The following ZNF69 variants were observed in gnomAD, a reference collection of about 807,000 sequenced individuals.
ZNF69 encodes ZNF3.
Under a neutral mutation model 50.9 loss-of-function variants are expected in ZNF69, and 47 were observed. That is an observed-to-expected ratio of 0.92 (90% CI 0.73 to 1.18). The LOEUF (loss-of-function observed/expected upper bound fraction) is 1.18. Ranked by LOEUF, ZNF69 falls within the 50% of genes most tolerant of loss-of-function variation. The probability of loss-of-function intolerance (pLI) is 0.00; values close to 1 mark genes in which losing one functional copy is unlikely to be tolerated. For synonymous variants in ZNF69, 216 were observed against 223.1 expected, an observed-to-expected ratio of 0.97 and a Z score of 0.29; for missense variants, 717 against 675.1, an observed-to-expected ratio of 1.06 and a Z score of -0.69.
At chr19:11,951,132 A>G in the ZNF69 span, among the ~76,000 whole-genome samples, 1 of 143,556 alleles carries the variant, frequency 7.0e-6, no homozygotes, top group Non-Finnish European at 1.5e-5. Context: ...GCCTGGCAAC[A>G]GAGCAAGACT....
At chr19:11,913,095 G>C (rs10414934) in intron 4 of ZNF69, among the ~76,000 whole-genome samples, 1 of 151,860 alleles carries the variant, frequency 6.6e-6, no homozygotes, top group South Asian at 2.1e-4. Flanking sequence ...TACTCGGCAG[G>C]CTGAGGCAGG....
At chr19:11,947,416 A>C in the ZNF69 span, 1 of 1,602,378 alleles carries the variant, frequency 6.2e-7, no homozygotes, top group African/African-American at 1.3e-5. Flanking sequence ...TTGATGAATA[A>C]ATGAGGCATG....
At chr19:11,927,847 G>A in the ZNF69 span, among the ~76,000 whole-genome samples, 1 of 152,192 alleles carries the variant, frequency 6.6e-6, no homozygotes, top group Non-Finnish European at 1.5e-5. Flanking sequence ...CTGACAAGGA[G>A]TGTTTCTTGT....
the ZNF69 span, chr19:11,978,539 TG>T: frequency 6.2e-7 from 1 of 1,614,114 alleles, no homozygotes. Context: ...GTAAGTTTTG[TG>T]GGAAAGCTGT....
downstream of ZNF69, among the ~76,000 whole-genome samples, chr19:11,909,288 T>C (rs1231721646): frequency 1.3e-5 from 2 of 152,008 alleles, no homozygotes; most frequent in Admixed American, 6.6e-5. Context: ...TTCCAATCAA[T>C]AGAAAAAGAG....
intron 1 of ZNF69, among the ~76,000 whole-genome samples, chr19:11,890,284 G>A (rs1020710751): frequency 1.1e-4 from 16 of 152,218 alleles, no homozygotes; most frequent in Non-Finnish European, 1.5e-5. Context: ...CAATACCCAG[G>A]CTTTGTTGGG....
At position 11,905,494 on chromosome 19, in the gene ZNF69, G is replaced by A. The variant is rs1229982468; in HGVS notation, c.1097G>A (p.Gly366Glu). Residue 366 changes from glycine (G) to glutamate (E), a missense_variant, in exon 4 of 4, where the codon GGG (glycine) becomes GAG (glutamate). Coordinates refer to ENST00000429654, the MANE Select transcript of ZNF69 (RefSeq NM_001364730.1). ...AGACCTTATGAATGTAAGATATGTGGGAAAGGCTTTTGTTCTGCCAATTCA... is the reference window on the plus strand; with the variant it reads ...AGACCTTATGAATGTAAGATATGTGAGAAAGGCTTTTGTTCTGCCAATTCA... ...GERPYECKIC[G>E]KGFCSANSFQ... 1.2e-6 allele frequency: 2 copies of A among 1,614,008 alleles called. No homozygotes were observed. The highest frequency in any genetic ancestry group is 1.3e-5 in the African/African-American group (1 of 74,902).
the ZNF69 span, chr19:11,949,114 T>C: frequency 3.1e-6 from 5 of 1,612,222 alleles, no homozygotes; most frequent in African/African-American, 6.7e-5. Context: ...ACCTTATAAA[T>C]GTAAGATATG....
intron 1 of ZNF69, among the ~76,000 whole-genome samples, chr19:11,897,739 G>A (rs1972156538): frequency 6.7e-6 from 1 of 150,210 alleles, no homozygotes. Context: ...GAGCGTGGTG[G>A]TGGGCGCCTG....
the ZNF69 span, among the ~76,000 whole-genome samples, chr19:11,939,684 C>T: frequency 3.9e-5 from 6 of 152,192 alleles, no homozygotes; most frequent in African/African-American, 1.4e-4. Flanking sequence ...AGGTCTCAAA[C>T]TGCTGACCTC....
the ZNF69 span, chr19:11,949,022 C>T: frequency 1.6e-5 from 26 of 1,606,002 alleles, no homozygotes; most frequent in African/African-American, 8.1e-5. Flanking sequence ...GGGAAAAAAC[C>T]GTATGAATGT....
the ZNF69 span, among the ~76,000 whole-genome samples, chr19:11,955,396 C>CTTTTTTTTTTTTTT: frequency 7.6e-6 from 1 of 132,242 alleles, no homozygotes. Flanking sequence ...TTCTTTCTTT[C>CTTTTTTTTTTTTTT]TTTTTTTTTT....
chr19:11,898,532 A>G (rs1483292854), intron 1 of ZNF69, among the ~76,000 whole-genome samples: 2 of 151,896 alleles, frequency 1.3e-5, no homozygotes, highest in Non-Finnish European at 2.9e-5. Context: ...CTGGGAATAC[A>G]GGCACACACC....
chr19:11,933,477 G>A, the ZNF69 span, among the ~76,000 whole-genome samples: 11 of 147,710 alleles, frequency 7.4e-5, 1 homozygote, highest in African/African-American at 1.6e-4. Flanking sequence ...ATACAGAAGC[G>A]TGTCACAGGC....
exon 5 of ZNF69, chr19:11,913,508 C>T (rs1007788158): frequency 8.2e-5 from 36 of 436,542 alleles, no homozygotes; most frequent in Non-Finnish European, 1.2e-4. Context: ...CCTGCTTCAG[C>T]CTCCTGAGTA....
the ZNF69 span, among the ~76,000 whole-genome samples, chr19:11,955,162 G>A: frequency 6.6e-6 from 1 of 151,492 alleles, no homozygotes; most frequent in African/African-American, 2.4e-5. Flanking sequence ...ATACCACCAT[G>A]CCTGGCTAAT....
chr19:11,933,654 C>T, the ZNF69 span, among the ~76,000 whole-genome samples: 2 of 147,836 alleles, frequency 1.4e-5, no homozygotes, highest in East Asian at 3.9e-4. Context: ...CTTGCTTCCT[C>T]GATGTAAAAA....
the ZNF69 span, among the ~76,000 whole-genome samples, chr19:11,960,307 T>C: frequency 0.14 from 20,674 of 152,236 alleles, 2,613 homozygotes; most frequent in African/African-American, 0.34. Flanking sequence ...CGTGCGCCAC[T>C]GCGCCCGTCT....
At chr19:11,974,122 TTTCTTTTCTTTC>T in the ZNF69 span, among the ~76,000 whole-genome samples, 1,243 of 59,992 alleles carry the variant, frequency 0.021, 14 homozygotes, top group African/African-American at 0.067. Context: ...TCTTTCTTTC[TTTCTTTTCTTTC>T]TTTCTTTCTT....
Sources: allele counts gnomAD v4.1 joint callset (sites outside exome capture counted in the v4.1 genomes callset), GRCh38; gene constraint gnomAD v4.1.1; transcripts MANE v1.5; gene names NCBI Gene and HGNC (gene_info 2026-07-23, HGNC 2026-07-21).